CAMKMT: variants seen among roughly 807,000 people sequenced by gnomAD.
CAMKMT encodes the protein CaM KMT.
A neutral mutation model predicts 48.0 loss-of-function variants in CAMKMT; 53 were observed. The observed-to-expected ratio is 1.10, with a 90% CI of 0.89 to 1.39. The LOEUF is 1.39. CAMKMT is among the 40% of genes most tolerant of loss of function. The probability of loss-of-function intolerance (pLI) is 0.00; values close to 1 mark genes in which losing one functional copy is unlikely to be tolerated. For synonymous variants in CAMKMT, 165 were observed against 152.3 expected, an observed-to-expected ratio of 1.08 and a Z score of -0.61; for missense variants, 428 against 402.7, an observed-to-expected ratio of 1.06 and a Z score of -0.54.
rs752814648 is a variant in CAMKMT at position 44,704,339 on chromosome 2, T to C, written c.433T>C (p.Phe145Leu). The change falls in exon 4 of 11, where the codon TTC becomes CTC. Residue 145 changes from phenylalanine (F) to leucine (L), a missense_variant. Physicochemically the swap from Phe to Leu is conservative, Grantham distance 22 (BLOSUM62 0). Transcript: ENST00000378494. ...AYYCLKHNNI[F>L]RALAVCELGG... ...CTACTGCCTCAAGCACAATAATATA[T>C]TCAGGTACAGAGCTGCACTTAAGAT... 3 of 1,603,776 alleles carry C rather than the reference T, an allele frequency of 1.9e-6. No individual in the cohort carries two copies. In the East Asian group the frequency reaches 6.7e-5, roughly 36 times the overall value.
At chr2:44,672,977 C>G (rs1675420354) in intron 3 of CAMKMT, among the ~76,000 whole-genome samples, 3 of 152,128 alleles carry the variant, frequency 2.0e-5, no homozygotes, top group Admixed American at 6.5e-5. Context: ...TCTCTTACAA[C>G]AACTTTAGAC....
chr2:44,425,393 A>T (rs1684213988), intron 3 of CAMKMT, among the ~76,000 whole-genome samples: 1 of 152,186 alleles, frequency 6.6e-6, no homozygotes, highest in East Asian at 1.9e-4. Flanking sequence ...GGCTAAAAGA[A>T]GAGAAATAGC....
At chr2:44,420,655 C>T (rs1009489692) in intron 3 of CAMKMT, among the ~76,000 whole-genome samples, 3 of 151,926 alleles carry the variant, frequency 2.0e-5, no homozygotes, top group Admixed American at 2.0e-4. Context: ...AGGCACCTCC[C>T]AGACAATATC....
intron 3 of CAMKMT, chr2:44,394,764 G>T (rs1681671721): frequency 4.6e-6 from 2 of 437,430 alleles, no homozygotes; most frequent in Non-Finnish European, 4.6e-6. Flanking sequence ...TATAGACTTT[G>T]CTTCCTAGTG....
chr2:44,403,437 G>C (rs186534678), intron 3 of CAMKMT, among the ~76,000 whole-genome samples: 57 of 152,284 alleles, frequency 3.7e-4, no homozygotes, highest in Non-Finnish European at 1.5e-4. Context: ...TAAGAGATGA[G>C]ATTTCAAGAT....
intron 1 of CAMKMT, among the ~76,000 whole-genome samples, chr2:44,370,252 A>G (rs1199443651): frequency 6.6e-6 from 1 of 152,232 alleles, no homozygotes; most frequent in African/African-American, 2.4e-5. Flanking sequence ...TAAGACTTGC[A>G]TTAATTCTTA....
At chr2:44,725,444 CAA>C (rs2104330183) in intron 7 of CAMKMT, among the ~76,000 whole-genome samples, 2 of 152,156 alleles carry the variant, frequency 1.3e-5, no homozygotes, top group East Asian at 3.9e-4. Context: ...GATGTCCAGA[CAA>C]GAGATGGACA....
intron 3 of CAMKMT, among the ~76,000 whole-genome samples, chr2:44,701,470 G>A (rs1297873287): frequency 6.6e-6 from 1 of 152,182 alleles, no homozygotes; most frequent in Non-Finnish European, 1.5e-5. Context: ...GATTAGGAGT[G>A]TAACTTGGTG....
At chr2:44,675,553 T>C (rs1675635968) in intron 3 of CAMKMT, among the ~76,000 whole-genome samples, 1 of 152,174 alleles carries the variant, frequency 6.6e-6, no homozygotes, top group Non-Finnish European at 1.5e-5. Flanking sequence ...CAAGACAAAT[T>C]ATTTGTCAGA....
chr2:44,450,105 G>T lies in CAMKMT; in HGVS notation c.376+59800G>T, dbSNP rs181544810. Among the ~76,000 whole-genome samples, 61 of 152,264 alleles carry T rather than the reference G, an allele frequency of 4.0e-4. No individual in the cohort carries two copies. In the East Asian group the frequency reaches 0.01, roughly 26 times the overall value. ...CAACACTGTGGAATGAGGGACCGAT[G>T]CTTTTACTGAGCAGTGGATTTCCAG... On this transcript the variant is annotated intron_variant, in intron 3 of 10. Coordinates refer to ENST00000378494, the MANE Select transcript of CAMKMT (RefSeq NM_024766.5).
At chr2:44,371,242 C>A (rs576338226) in intron 1 of CAMKMT, among the ~76,000 whole-genome samples, 29 of 152,172 alleles carry the variant, frequency 1.9e-4, no homozygotes, top group African/African-American at 6.3e-4. Flanking sequence ...ACCTCAGCCT[C>A]CCCAAAGTGC....
intron 3 of CAMKMT, among the ~76,000 whole-genome samples, chr2:44,467,469 T>C (rs1302631920): frequency 6.6e-6 from 1 of 150,414 alleles, no homozygotes; most frequent in African/African-American, 2.4e-5. Context: ...GAGGCAGAGG[T>C]TGTAGTGAGC....
intron 3 of CAMKMT, among the ~76,000 whole-genome samples, chr2:44,611,467 A>T (rs1429607756): frequency 3.3e-5 from 5 of 151,950 alleles, no homozygotes. Context: ...CTACCCAGAT[A>T]CTTTTAGGAG....
intron 9 of CAMKMT, among the ~76,000 whole-genome samples, chr2:44,760,109 A>C (rs1288794476): frequency 6.6e-6 from 1 of 152,184 alleles, no homozygotes; most frequent in Non-Finnish European, 1.5e-5. Context: ...TTAGCAGGAC[A>C]GATGAACACA....
At chr2:44,425,008 C>A (rs915309622) in intron 3 of CAMKMT, among the ~76,000 whole-genome samples, 2 of 152,096 alleles carry the variant, frequency 1.3e-5, no homozygotes, top group African/African-American at 4.8e-5. Context: ...CAAAAAAGTA[C>A]CCGTTTTGAT....
chr2:44,541,203 A>G (rs971293872), intron 3 of CAMKMT, among the ~76,000 whole-genome samples: 1 of 152,216 alleles, frequency 6.6e-6, no homozygotes, highest in African/African-American at 2.4e-5. Context: ...GTTGTTTCAT[A>G]TGAACTTTAG....
intron 7 of CAMKMT, among the ~76,000 whole-genome samples, chr2:44,728,131 G>T (rs1371565163): frequency 6.6e-6 from 1 of 152,006 alleles, no homozygotes; most frequent in Admixed American, 6.6e-5. Flanking sequence ...TAATTTTGCT[G>T]CCCAGCCTGG....
intron 3 of CAMKMT, among the ~76,000 whole-genome samples, chr2:44,502,001 G>A (rs1205008367): frequency 1.3e-5 from 2 of 152,092 alleles, no homozygotes; most frequent in Non-Finnish European, 2.9e-5. Flanking sequence ...TAGGCCAGGC[G>A]CAGTGCCTCA....
intron 3 of CAMKMT, among the ~76,000 whole-genome samples, chr2:44,425,807 T>G (rs1370021154): frequency 1.3e-5 from 2 of 152,050 alleles, no homozygotes; most frequent in African/African-American, 4.8e-5. Flanking sequence ...CTTGGCTCAC[T>G]GCAACCTCCA....
Sources: gnomAD v4.1 joint callset for allele counts (sites outside exome capture counted in the v4.1 genomes callset) on GRCh38, gnomAD v4.1.1 for gene constraint, MANE v1.5 for transcripts, NCBI Gene and HGNC (gene_info 2026-07-23, HGNC 2026-07-21) for gene names.